Variants in PEX5L observed in about 807,000 individuals in gnomAD.
PEX5L encodes PEX5-related protein.
PEX5L carries 30 observed loss-of-function variants against 84.0 expected under a neutral mutation model. That is an observed-to-expected ratio of 0.36 (90% CI 0.27 to 0.48). The LOEUF (loss-of-function observed/expected upper bound fraction) is 0.48, where lower values mean the gene tolerates loss of function less well. Among genes scored for constraint, PEX5L ranks in the 20% least tolerant of loss-of-function variants. The pLI, the probability that PEX5L is intolerant of heterozygous loss-of-function variation, is 0.99. For missense variants in PEX5L, 533 were observed against 754.6 expected, an observed-to-expected ratio of 0.71 and a Z score of 3.44; for synonymous variants, 270 against 283.1, an observed-to-expected ratio of 0.95 and a Z score of 0.46.
intron 1 of PEX5L, among the ~76,000 whole-genome samples, chr3:180,009,900 C>T (rs1789270637): frequency 6.6e-6 from 1 of 152,136 alleles, no homozygotes; most frequent in Admixed American, 6.5e-5. Context: ...TCTTCCCTCT[C>T]CTCCACCTGC....
At chr3:179,978,909 T>G (rs1381506321) in intron 1 of PEX5L, among the ~76,000 whole-genome samples, 2 of 152,184 alleles carry the variant, frequency 1.3e-5, no homozygotes, top group African/African-American at 4.8e-5. Flanking sequence ...GATAGGCAGT[T>G]CAAGATGATA....
At chr3:179,876,257 G>A (rs1010518163) in intron 5 of PEX5L, among the ~76,000 whole-genome samples, 1 of 152,100 alleles carries the variant, frequency 6.6e-6, no homozygotes, top group African/African-American at 2.4e-5. Context: ...ACATTGGGAG[G>A]CAGAGGCGGG....
chr3:179,802,756 A>G (rs1719555243), intron 14 of PEX5L, among the ~76,000 whole-genome samples: 1 of 152,140 alleles, frequency 6.6e-6, no homozygotes, highest in African/African-American at 2.4e-5. Flanking sequence ...AAAGTGGTCT[A>G]ATTTTTCCCA....
chr3:179,929,518 G>A (rs2109576495), intron 2 of PEX5L, among the ~76,000 whole-genome samples: 1 of 145,738 alleles, frequency 6.9e-6, no homozygotes, highest in South Asian at 2.1e-4. Context: ...TAAGTCAGAA[G>A]CTGTTAAATA....
At chr3:179,986,870 C>T (rs2110352953) in intron 1 of PEX5L, among the ~76,000 whole-genome samples, 1 of 152,200 alleles carries the variant, frequency 6.6e-6, no homozygotes, top group South Asian at 2.1e-4. Context: ...TAACATAATG[C>T]AAAAATACAT....
chr3:179,801,596 G>T lies in PEX5L; in HGVS notation c.*232C>A, dbSNP rs1577063965. ...CAGTTACTTTATCTTGGTTTGTCTTGAGTCTCTTAATTCTTCTTTTGAGCC... is the reference window on the plus strand; with the variant it reads ...CAGTTACTTTATCTTGGTTTGTCTTTAGTCTCTTAATTCTTCTTTTGAGCC... On this transcript the variant is annotated 3_prime_UTR_variant, in exon 15 of 15. Coordinates refer to ENST00000467460, the MANE Select transcript of PEX5L (RefSeq NM_016559.3). 7.9e-6 allele frequency: 4 copies of T among 507,948 alleles called. No homozygotes were observed. The East Asian group carries it at 1.3e-4, about 16-fold the overall frequency. 31.5% of individuals were successfully genotyped at this position (507,948 alleles called of 1,614,324 possible).
intron 1 of PEX5L, among the ~76,000 whole-genome samples, chr3:180,026,600 G>C (rs1790978630): frequency 6.6e-6 from 1 of 152,170 alleles, no homozygotes; most frequent in Non-Finnish European, 1.5e-5. Flanking sequence ...GATGGACATT[G>C]ATCAATGATA....
At chr3:179,958,395 C>A (rs1291499130) in intron 2 of PEX5L, among the ~76,000 whole-genome samples, 1 of 152,138 alleles carries the variant, frequency 6.6e-6, no homozygotes, top group African/African-American at 2.4e-5. Flanking sequence ...TTCCCTTTGC[C>A]CCATTGTGTA....
intron 1 of PEX5L, among the ~76,000 whole-genome samples, chr3:179,991,054 C>T (rs1280495084): frequency 6.6e-6 from 1 of 152,118 alleles, no homozygotes; most frequent in Non-Finnish European, 1.5e-5. Context: ...ACTTAGGAAC[C>T]ACCACACTCC....
At chr3:179,834,283 C>T (rs954122631) in intron 8 of PEX5L, among the ~76,000 whole-genome samples, 1 of 152,242 alleles carries the variant, frequency 6.6e-6, no homozygotes, top group African/African-American at 2.4e-5. Context: ...AGTGAGGCCG[C>T]CTGGAGCCAT....
intron 1 of PEX5L, among the ~76,000 whole-genome samples, chr3:179,979,145 T>C (rs1786076742): frequency 1.3e-5 from 2 of 152,162 alleles, no homozygotes; most frequent in African/African-American, 4.8e-5. Flanking sequence ...AAATTCAACT[T>C]GAAATTTCAA....
Position 179,859,133 on chromosome 3 carries a change from A to G in PEX5L, c.751T>C (p.Trp251Arg), listed in dbSNP as rs1248574977. The G allele has an allele frequency of 3.7e-6, 6 of 1,613,764 alleles. No homozygotes were observed. The African/African-American group carries it at 6.7e-5, about 18-fold the overall frequency. Residue 251 changes from tryptophan (W) to arginine (R), a missense_variant, in exon 8 of 15, where the codon TGG becomes CGG. Coordinates refer to ENST00000467460, the MANE Select transcript of PEX5L (RefSeq NM_016559.3). ...TTTCTAGAAAGTAATGCGCTTCCCC[A>G]GCGATGTTCTTTGGTCAGTCGAGCC... The part of the protein sequence containing the change: ...TQARLTKEHR[W>R]GSALLSRNHS...
chr3:179,911,556 C>T (rs564570801), intron 2 of PEX5L, among the ~76,000 whole-genome samples: 1 of 152,222 alleles, frequency 6.6e-6, no homozygotes, highest in Admixed American at 6.5e-5. Context: ...TATTATAAAT[C>T]AGCAAAATCC....
chr3:179,933,317 T>C (rs1430187432), intron 2 of PEX5L, among the ~76,000 whole-genome samples: 1 of 152,234 alleles, frequency 6.6e-6, no homozygotes, highest in Non-Finnish European at 1.5e-5. Context: ...GTAAGTGCTA[T>C]ATGCACATGT....
intron 8 of PEX5L, among the ~76,000 whole-genome samples, chr3:179,839,247 G>T (rs1414312961): frequency 6.6e-6 from 1 of 152,012 alleles, no homozygotes; most frequent in African/African-American, 2.4e-5. Context: ...ATAAATTAAA[G>T]GTTTTCAACT....
intron 2 of PEX5L, among the ~76,000 whole-genome samples, chr3:179,907,374 G>A (rs781209382): frequency 5.9e-5 from 9 of 151,828 alleles, no homozygotes; most frequent in Non-Finnish European, 1.0e-4. Flanking sequence ...GTTCAGTGGC[G>A]CAATCATAGC....
chr3:179,960,728 T>G lies in PEX5L; in HGVS notation c.93+10866A>C, dbSNP rs111918755. 7.9e-5 allele frequency among the ~76,000 whole-genome samples: 12 copies of G among 152,358 alleles called. 1 individual carries two copies. The highest frequency in any genetic ancestry group is 2.9e-4 in the African/African-American group (12 of 41,582). Reference sequence around the variant, plus strand: ...AATTTAACAATATCTAACCTGTTTATGAGCTCAATATGTTTTATCTTGTAG... The same window carrying G: ...AATTTAACAATATCTAACCTGTTTAGGAGCTCAATATGTTTTATCTTGTAG... On this transcript the variant is annotated intron_variant, in intron 2 of 14. Coordinates refer to ENST00000467460, the MANE Select transcript of PEX5L (RefSeq NM_016559.3).
intron 1 of PEX5L, among the ~76,000 whole-genome samples, chr3:179,996,724 C>A (rs1047898880): frequency 6.6e-6 from 1 of 152,242 alleles, no homozygotes; most frequent in Admixed American, 6.5e-5. Context: ...CACTCAACTA[C>A]AAAATTTAAA....
At chr3:179,937,796 C>G (rs1289945482) in intron 2 of PEX5L, among the ~76,000 whole-genome samples, 4 of 152,116 alleles carry the variant, frequency 2.6e-5, no homozygotes, top group African/African-American at 9.7e-5. Context: ...CCAATATTAA[C>G]CAGGTTTTGT....
Sources: gnomAD v4.1 joint callset for allele counts (sites outside exome capture counted in the v4.1 genomes callset) on GRCh38, gnomAD v4.1.1 for gene constraint, MANE v1.5 for transcripts, NCBI Gene and HGNC (gene_info 2026-07-23, HGNC 2026-07-21) for gene names.